Variants in DOCK2 observed in about 807,000 individuals in gnomAD.
DOCK2 encodes the protein dedicator of cytokinesis protein 2.
DOCK2 carries 87 observed loss-of-function variants against 248.9 expected under a neutral mutation model. That is an observed-to-expected ratio of 0.35 (90% confidence interval 0.29 to 0.42). DOCK2 has a LOEUF of 0.42. DOCK2 is among the 10% of genes least tolerant of loss of function. The probability of loss-of-function intolerance (pLI) is 1.00; values close to 1 mark genes in which losing one functional copy is unlikely to be tolerated. For synonymous variants in DOCK2, 805 were observed against 821.6 expected, an observed-to-expected ratio of 0.98 and a Z score of 0.35; for missense variants, 1,747 against 2,300.2, an observed-to-expected ratio of 0.76 and a Z score of 4.92.
intron 27 of DOCK2, among the ~76,000 whole-genome samples, chr5:169,925,366 G>C (rs1775382111): frequency 6.6e-6 from 1 of 152,104 alleles, no homozygotes. Flanking sequence ...CAGATCACAA[G>C]GTCAGGCGTT....
intron 51 of DOCK2, among the ~76,000 whole-genome samples, chr5:170,082,212 G>C (rs1248779036): frequency 6.6e-6 from 1 of 152,116 alleles, no homozygotes; most frequent in Non-Finnish European, 1.5e-5. Context: ...AGCTAGGGAT[G>C]TGCAGGACCC....
intron 34 of DOCK2, among the ~76,000 whole-genome samples, chr5:170,032,417 T>C (rs899142768): frequency 6.6e-6 from 1 of 152,160 alleles, no homozygotes; most frequent in African/African-American, 2.4e-5. Context: ...TCAAAGATTC[T>C]AAGGTTATTG....
At chr5:170,047,195 T>C (rs1756745081) in intron 39 of DOCK2, among the ~76,000 whole-genome samples, 1 of 152,174 alleles carries the variant, frequency 6.6e-6, no homozygotes, top group Non-Finnish European at 1.5e-5. Context: ...TGCAACTAAC[T>C]GGGTTCAGCT....
At position 169,761,586 on chromosome 5, in the gene DOCK2, A is replaced by G. The variant is rs1030319947; in HGVS notation, c.2515A>G (p.Met839Val). The change falls in exon 25 of 52, where the codon ATG (methionine) becomes GTG (valine). Residue 839 changes from methionine (M) to valine (V), a missense_variant. By Grantham distance (21) the Met-to-Val change is conservative. This residue lies in a region of DOCK2 where 858 missense variants were observed against 1,183.5 expected (regional missense o/e 0.72). Coordinates refer to ENST00000520908, the MANE Select transcript of DOCK2 (RefSeq NM_004946.3). ...ACTCCAGAAGCAGAAAGTACAGTCT[A>G]TGAATGAGATAGTCCAGAGCAACCT... Reference protein sequence around the residue: ...VKLQKQKVQSMNEIVQSNLFK... With the variant: ...VKLQKQKVQSVNEIVQSNLFK... The G allele has an allele frequency of 1.2e-6, 2 of 1,614,126 alleles. No individual in the cohort carries two copies. Among genetic ancestry groups the G allele is most frequent in the African/African-American group, 1.3e-5 (1 of 75,060 alleles).
At chr5:169,775,708 A>C (rs1340638674) in intron 25 of DOCK2, among the ~76,000 whole-genome samples, 1 of 152,088 alleles carries the variant, frequency 6.6e-6, no homozygotes, top group East Asian at 1.9e-4. Context: ...AATTCAGTGG[A>C]AACAGGGCTG....
intron 27 of DOCK2, among the ~76,000 whole-genome samples, chr5:169,957,262 C>T (rs138578487): frequency 2.0e-5 from 3 of 152,316 alleles, no homozygotes; most frequent in African/African-American, 4.8e-5. Flanking sequence ...GGCCTTTAGC[C>T]AGGGACTTAA....
intron 30 of DOCK2, among the ~76,000 whole-genome samples, chr5:170,005,859 T>C (rs1298456578): frequency 6.6e-6 from 1 of 152,208 alleles, no homozygotes; most frequent in Non-Finnish European, 1.5e-5. Flanking sequence ...ATGTGTCTTA[T>C]GTGTTAGGGG....
At chr5:169,795,647 G>A (rs1360754419) in intron 25 of DOCK2, among the ~76,000 whole-genome samples, 1 of 152,204 alleles carries the variant, frequency 6.6e-6, no homozygotes, top group Non-Finnish European at 1.5e-5. Flanking sequence ...GAGGAGGGAG[G>A]TTGTGAGAAC....
chr5:169,893,603 T>C (rs1208086901), intron 27 of DOCK2, among the ~76,000 whole-genome samples: 1 of 152,166 alleles, frequency 6.6e-6, no homozygotes, highest in Non-Finnish European at 1.5e-5. Flanking sequence ...CTTTTTGATT[T>C]GTTGTCAGAG....
chr5:169,694,395 A>G (rs1376624347), intron 9 of DOCK2, among the ~76,000 whole-genome samples: 4 of 152,348 alleles, frequency 2.6e-5, no homozygotes, highest in Admixed American at 2.0e-4. Context: ...AGATTCGAGC[A>G]TGAAGTCAGG....
At chr5:170,000,896 T>C (rs1447594075) in intron 30 of DOCK2, among the ~76,000 whole-genome samples, 1 of 152,150 alleles carries the variant, frequency 6.6e-6, no homozygotes, top group East Asian at 1.9e-4. Context: ...TTGGTCTTTA[T>C]AATGGGAAAT....
At chr5:169,775,915 G>T (rs996136721) in intron 25 of DOCK2, among the ~76,000 whole-genome samples, 1 of 151,576 alleles carries the variant, frequency 6.6e-6, no homozygotes, top group African/African-American at 2.4e-5. Flanking sequence ...GCTAAGGGGG[G>T]CCTTGGACCA....
chr5:170,080,484 C>T, intron 50 of DOCK2: 1 of 753,132 alleles, frequency 1.3e-6, no homozygotes, highest in Non-Finnish European at 2.1e-6. Context: ...TCCCAGCAAG[C>T]TCCAGCAGGG....
At chr5:169,909,924 A>G (rs1383398028) in intron 27 of DOCK2, among the ~76,000 whole-genome samples, 1 of 152,210 alleles carries the variant, frequency 6.6e-6, no homozygotes, top group East Asian at 1.9e-4. Flanking sequence ...TCTCAGTCCC[A>G]CAATTGACCC....
chr5:170,069,063 TCCCAGTGCCAAAGAGA>T (rs1757591190), intron 45 of DOCK2, 58 bp from the exon 46 acceptor site: 1 of 1,367,826 alleles, frequency 7.3e-7, no homozygotes, highest in South Asian at 1.2e-5. Flanking sequence ...TTGAATCTTC[TCCCAGTGCCAAAGAGA>T]TTGGCTGTGA....
intron 27 of DOCK2, among the ~76,000 whole-genome samples, chr5:169,955,111 C>T (rs1053041492): frequency 6.6e-6 from 1 of 152,192 alleles, no homozygotes; most frequent in African/African-American, 2.4e-5. Context: ...ACCCCATAAC[C>T]TTGCAGAGAT....
intron 21 of DOCK2, 31 bp downstream of exon 21, chr5:169,717,515 T>G: frequency 6.3e-7 from 1 of 1,599,078 alleles, no homozygotes; most frequent in Non-Finnish European, 8.6e-7. Context: ...GAACTTCTTC[T>G]CTACCACCCT....
intron 1 of DOCK2, among the ~76,000 whole-genome samples, chr5:169,647,124 T>G (rs1355327562): frequency 2.0e-5 from 3 of 152,214 alleles, no homozygotes; most frequent in Non-Finnish European, 2.9e-5. Context: ...CATCATCCCC[T>G]TCATACTTCC....
chr5:169,955,034 A>C lies in DOCK2; in HGVS notation c.2800-28034A>C, dbSNP rs192292242. Among the ~76,000 whole-genome samples, 356 of 152,338 alleles carry C rather than the reference A, an allele frequency of 2.3e-3. 1 individual carries two copies. Among genetic ancestry groups the C allele is most frequent in the African/African-American group, 8.1e-3 (338 of 41,576 alleles). On this transcript the variant is annotated intron_variant, in intron 27 of 51. Coordinates refer to ENST00000520908, the MANE Select transcript of DOCK2 (RefSeq NM_004946.3). Reference sequence around the variant, plus strand: ...CTCAAGGGATTGGAAGAGCAGTCACAGGTCTCCACCAGCCAAGAGCAAACC... The same window carrying C: ...CTCAAGGGATTGGAAGAGCAGTCACCGGTCTCCACCAGCCAAGAGCAAACC...
Sources: allele counts gnomAD v4.1 joint callset (sites outside exome capture counted in the v4.1 genomes callset), GRCh38; gene constraint gnomAD v4.1.1; regional missense constraint gnomAD v4.1.1; transcripts MANE v1.5; gene names NCBI Gene and HGNC (gene_info 2026-07-23, HGNC 2026-07-21).